The following FSD1L variants were observed in gnomAD, a reference collection of about 807,000 sequenced individuals.
FSD1L encodes FSD1-like protein.
In FSD1L, 45 loss-of-function variants were observed where a neutral mutation model predicts 71.6. The observed-to-expected ratio is 0.63, with a 90% CI of 0.49 to 0.81. The LOEUF (loss-of-function observed/expected upper bound fraction) is 0.81, where lower values mean the gene tolerates loss of function less well. FSD1L is among the 30% of genes least tolerant of loss of function. The pLI is 0.00. For synonymous variants in FSD1L, 197 were observed against 207.2 expected, an observed-to-expected ratio of 0.95 and a Z score of 0.42; for missense variants, 561 against 618.1, an observed-to-expected ratio of 0.91 and a Z score of 0.98.
intron 1 of FSD1L, among the ~76,000 whole-genome samples, chr9:105,454,933 A>G (rs1208357074): frequency 3.9e-5 from 6 of 152,344 alleles, no homozygotes; most frequent in Non-Finnish European, 8.8e-5. Context: ...GAGAGGGTGT[A>G]GCCTTCCATC....
In FSD1L at chr9:105,523,831, A is replaced by C. The variant is rs560648966; in HGVS notation, c.1026-10662A>C. On this transcript the variant is annotated intron_variant, in intron 10 of 13. Transcript: ENST00000481272. ...CAGGATATTGTCAATACAATCATCA[A>C]ACACTGCTCACCTCAATTTTTTTCA... The C allele has an allele frequency of 2.5e-6, 4 of 1,598,376 alleles. No homozygotes were observed. In the African/African-American group the frequency reaches 5.4e-5, roughly 21 times the overall value.
chr9:105,456,090 T>G (rs573134428), intron 1 of FSD1L, among the ~76,000 whole-genome samples: 1 of 152,324 alleles, frequency 6.6e-6, no homozygotes, highest in African/African-American at 2.4e-5. Flanking sequence ...GGTTTCCAGA[T>G]TGTTGATCAG....
chr9:105,519,434 A>G (rs754097302), intron 10 of FSD1L, among the ~76,000 whole-genome samples: 8 of 152,214 alleles, frequency 5.3e-5, no homozygotes, highest in Non-Finnish European at 1.0e-4. Context: ...CCAGCAGCAC[A>G]TCAAAAAGCT....
At chr9:105,528,080 C>A (rs1249500591) in intron 10 of FSD1L, among the ~76,000 whole-genome samples, 3 of 152,146 alleles carry the variant, frequency 2.0e-5, no homozygotes, top group East Asian at 3.8e-4. Context: ...ATACAACTTA[C>A]AAGGGATGTG....
upstream of FSD1L, among the ~76,000 whole-genome samples, chr9:105,444,596 C>G (rs1339638033): frequency 1.3e-5 from 2 of 152,184 alleles, no homozygotes; most frequent in Admixed American, 1.3e-4. Context: ...CTGGGAGAGA[C>G]AGTTTTGCCA....
chr9:105,509,645 A>G (rs1834283828), intron 9 of FSD1L, among the ~76,000 whole-genome samples: 1 of 152,214 alleles, frequency 6.6e-6, no homozygotes, highest in Non-Finnish European at 1.5e-5. Context: ...AAAATCATAT[A>G]ATAAAACAAA....
chr9:105,479,652 G>A (rs1025350005), intron 6 of FSD1L, among the ~76,000 whole-genome samples: 1 of 152,070 alleles, frequency 6.6e-6, no homozygotes, highest in African/African-American at 2.4e-5. Context: ...TTAATTAGTT[G>A]TACTAATGAA....
intron 6 of FSD1L, among the ~76,000 whole-genome samples, chr9:105,482,777 A>G (rs1299383683): frequency 6.6e-6 from 1 of 152,164 alleles, no homozygotes; most frequent in East Asian, 1.9e-4. Context: ...TATGGGGCAT[A>G]TTCTTTTTCT....
intron 7 of FSD1L, among the ~76,000 whole-genome samples, chr9:105,495,617 G>A (rs534999689): frequency 2.0e-5 from 3 of 152,336 alleles, no homozygotes; most frequent in East Asian, 1.9e-4. Context: ...GCTGTAGACC[G>A]GAGCTGTTCC....
intron 7 of FSD1L, among the ~76,000 whole-genome samples, chr9:105,489,778 A>C (rs1478819295): frequency 6.6e-6 from 1 of 152,124 alleles, no homozygotes; most frequent in East Asian, 1.9e-4. Flanking sequence ...TTCTTGTGAT[A>C]GTTTACTGAG....
chr9:105,525,720 C>G, intron 10 of FSD1L: 1 of 1,604,436 alleles, frequency 6.2e-7, no homozygotes, highest in Non-Finnish European at 8.5e-7. Context: ...ACAAACACTC[C>G]ATTCTCACCA....
chr9:105,497,758 G>A (rs1207496503), intron 7 of FSD1L, among the ~76,000 whole-genome samples: 1 of 152,018 alleles, frequency 6.6e-6, no homozygotes, highest in Non-Finnish European at 1.5e-5. Flanking sequence ...TGATTCCATT[G>A]ATCTGTCAAA....
At position 105,469,788 on chromosome 9, in the gene FSD1L, G is replaced by A. The variant is rs117346255; in HGVS notation, c.339+1464G>A. The stretch of plus-strand genomic sequence containing the variant: ...ATATAGAGAAGTTTTAAAGTTTTAC[G>A]TCATCTAATTTGTCTATTTTTGCTT... On this transcript the variant is annotated intron_variant, in intron 4 of 13. Transcript: ENST00000481272. 6.7e-3 allele frequency among the ~76,000 whole-genome samples: 1,005 copies of A among 149,770 alleles called. 5 individuals are homozygous for A. Among genetic ancestry groups the A allele is most frequent in the Non-Finnish European group, 0.012 (804 of 67,616 alleles).
At chr9:105,508,378 C>T (rs189635115) in intron 8 of FSD1L, among the ~76,000 whole-genome samples, 1 of 151,982 alleles carries the variant, frequency 6.6e-6, no homozygotes, top group Admixed American at 6.5e-5. Context: ...CGGGTTTCAC[C>T]GTGTTAGTCA....
Position 105,484,462 on chromosome 9 carries a change from A to C in FSD1L, c.546A>C (p.Ser182=). 1 of 1,531,470 alleles carries C rather than the reference A, an allele frequency of 6.5e-7. No homozygotes were observed. Among genetic ancestry groups the C allele is most frequent in the East Asian group, 2.5e-5 (1 of 39,734 alleles). 94.9% of individuals were successfully genotyped at this position (1,531,470 alleles called of 1,614,324 possible). The change falls in exon 7 of 14, where the codon TCA becomes TCC. Residue 182 remains serine (S), a synonymous_variant. Coordinates refer to ENST00000481272, the MANE Select transcript of FSD1L (RefSeq NM_001145313.3). Reference sequence around the variant, plus strand: ...TGACTCATTTAATGGTGGATTTCTCACAGGAAAGACAGATGCTGCAAACTT... The same window carrying C: ...TGACTCATTTAATGGTGGATTTCTCCCAGGAAAGACAGATGCTGCAAACTT... ...DNMTHLMVDF[S]QERQMLQTLK... is the part of the protein sequence containing the mutation.
chr9:105,480,981 T>C (rs1472046447), intron 6 of FSD1L, among the ~76,000 whole-genome samples: 1 of 152,158 alleles, frequency 6.6e-6, no homozygotes, highest in African/African-American at 2.4e-5. Context: ...TTAAACTCTT[T>C]GTCTTTGCCC....
intron 7 of FSD1L, among the ~76,000 whole-genome samples, chr9:105,487,944 A>G (rs1031997005): frequency 1.3e-5 from 2 of 152,228 alleles, no homozygotes; most frequent in African/African-American, 4.8e-5. Context: ...ATACCTTCAC[A>G]CATGCATAGC....
chr9:105,484,399 C>T lies in FSD1L; in HGVS notation c.483C>T (p.Ala161=). The change falls in exon 7 of 14, where the codon GCC becomes GCT. Residue 161 remains alanine, a synonymous_variant. Transcript: ENST00000481272. ...QIKDRVTMAS[A]FRLSLKPKVS... ...ACCGTAGAGTCACAATGGCTTCAGC[C>T]TTTCGCCTTTCTTTGAAACCAAAGG... is the stretch of plus-strand genomic sequence containing the variant. 6.6e-7 allele frequency: 1 copy of T among 1,525,768 alleles called. No individual in the cohort carries two copies. Among genetic ancestry groups the T allele is most frequent in the Non-Finnish European group, 8.8e-7 (1 of 1,137,434 alleles). 94.5% of individuals were successfully genotyped at this position (1,525,768 alleles called of 1,614,324 possible).
chr9:105,473,824 C>T (rs1299502538), intron 5 of FSD1L, among the ~76,000 whole-genome samples: 1 of 152,166 alleles, frequency 6.6e-6, no homozygotes, highest in Admixed American at 6.5e-5. Context: ...AAATGCTACC[C>T]TTTTCTGTTT....
Sources: allele counts gnomAD v4.1 joint callset (sites outside exome capture counted in the v4.1 genomes callset), GRCh38; gene constraint gnomAD v4.1.1; transcripts MANE v1.5; gene names NCBI Gene and HGNC (gene_info 2026-07-23, HGNC 2026-07-21).